SHANK2: variants seen among roughly 807,000 people sequenced by gnomAD.
SHANK2 encodes the protein SH3 and multiple ankyrin repeat domains 2.
SHANK2 carries 43 observed loss-of-function variants against 133.7 expected under a neutral mutation model. That is an observed-to-expected ratio of 0.32 (90% CI 0.25 to 0.41). The LOEUF is 0.41. SHANK2 is among the 10% of genes least tolerant of loss of function. The probability of loss-of-function intolerance (pLI) is 1.00; values close to 1 mark genes in which losing one functional copy is unlikely to be tolerated. For synonymous variants in SHANK2, 1,017 were observed against 952.8 expected, an observed-to-expected ratio of 1.07 and a Z score of -1.24; for missense variants, 1,994 against 2,235.8, an observed-to-expected ratio of 0.89 and a Z score of 2.18.
chr11:70,473,416 A>C lies in SHANK2; in HGVS notation c.5003T>G (p.Ile1668Ser). The part of the protein sequence containing the change: ...APRSPEIMST[I>S]SGTRSTTVTF... ...GACCGTCGTGCTCCGTGTACCTGAG[A>C]TGGTGCTCATGATCTCCGGGCTTCT... The change falls in exon 26 of 26, where the codon ATC becomes AGC. Residue 1668 changes from isoleucine (I) to serine (S), a missense_variant. By Grantham distance (142) the Ile-to-Ser change is moderately radical (BLOSUM62 -2). Coordinates refer to ENST00000601538, the MANE Select transcript of SHANK2 (RefSeq NM_012309.5). This position sits in a 1 kb window ranked among gnomAD's most constrained non-coding sequence, Gnocchi z 5.9. 6.2e-7 allele frequency: 1 copy of C among 1,605,644 alleles called. No individual in the cohort carries two copies. The highest frequency in any genetic ancestry group is 8.5e-7 in the Non-Finnish European group (1 of 1,179,952).
intron 2 of SHANK2, among the ~76,000 whole-genome samples, chr11:71,150,498 T>G (rs1350144181): frequency 1.8e-4 from 27 of 151,942 alleles, no homozygotes; most frequent in Non-Finnish European, 3.7e-4. Context: ...CTGCCAATTA[T>G]TCACATTAGT....
rs534193207 is a variant in SHANK2 at position 70,849,807 on chromosome 11, T to C, written c.1175-29125A>G. ...TGGGGTCCATGATCTCCCTACGTTA[T>C]CTCTTTTTTTAAAAAAAATGTTTTT... On this transcript the variant is annotated intron_variant, in intron 11 of 25. Transcript: ENST00000601538. 9.2e-5 allele frequency among the ~76,000 whole-genome samples: 14 copies of C among 152,246 alleles called. No homozygotes were observed. The East Asian group carries it at 2.7e-3, about 29-fold the overall frequency.
chr11:70,850,647 C>T (rs1461995052), intron 11 of SHANK2, among the ~76,000 whole-genome samples: 3 of 152,340 alleles, frequency 2.0e-5, no homozygotes, highest in African/African-American at 2.4e-5. Flanking sequence ...GCTTGGGCCT[C>T]GAGTCACTGT....
At chr11:70,858,705 C>A (rs934863476) in intron 11 of SHANK2, among the ~76,000 whole-genome samples, 2 of 152,224 alleles carry the variant, frequency 1.3e-5, no homozygotes, top group Non-Finnish European at 2.9e-5. Context: ...GAACCCAGAC[C>A]CCTGATTTAG....
chr11:70,617,195 TGTGTGA>T (rs1342122043), intron 17 of SHANK2, among the ~76,000 whole-genome samples: 3 of 151,686 alleles, frequency 2.0e-5, no homozygotes, highest in Non-Finnish European at 2.9e-5. Flanking sequence ...TGTCTATGAA[TGTGTGA>T]GTGTGAGTGT....
chr11:70,821,398 G>C (rs1948518667), intron 11 of SHANK2, among the ~76,000 whole-genome samples: 1 of 152,120 alleles, frequency 6.6e-6, no homozygotes, highest in Admixed American at 6.5e-5. Context: ...CCCAGGACTG[G>C]GAGGTGTAAA....
At chr11:70,826,592 T>G in intron 11 of SHANK2, 1 of 467,126 alleles carries the variant, frequency 2.1e-6, no homozygotes, top group Non-Finnish European at 4.5e-6. Flanking sequence ...CCCTCGGTGC[T>G]AGAGCAGCTG....
chr11:70,877,101 T>C (rs1949579230), intron 11 of SHANK2, among the ~76,000 whole-genome samples: 1 of 152,256 alleles, frequency 6.6e-6, no homozygotes. Flanking sequence ...TTTTTATTTC[T>C]CTTCAGGACA....
intron 15 of SHANK2, among the ~76,000 whole-genome samples, chr11:70,692,376 C>G (rs782396462): frequency 1.3e-5 from 2 of 152,182 alleles, no homozygotes; most frequent in African/African-American, 2.4e-5. Context: ...ATCCTTAACA[C>G]GAACACAACT....
At chr11:70,794,330 G>GGC (rs1555048677) in intron 14 of SHANK2, among the ~76,000 whole-genome samples, 15 of 151,564 alleles carry the variant, frequency 9.9e-5, no homozygotes, top group Non-Finnish European at 2.2e-4. Flanking sequence ...ATACATAGCT[G>GGC]ATATCACAGG....
intron 10 of SHANK2, among the ~76,000 whole-genome samples, chr11:70,939,584 C>T (rs1483117210): frequency 1.6e-4 from 25 of 152,332 alleles, no homozygotes; most frequent in Admixed American, 1.2e-3. Context: ...AAGGCCTCTC[C>T]TGAGCTTCGT....
intron 17 of SHANK2, among the ~76,000 whole-genome samples, chr11:70,559,172 C>T (rs1554980304): frequency 6.6e-6 from 1 of 152,072 alleles, no homozygotes; most frequent in African/African-American, 2.4e-5. Flanking sequence ...GCACCTGCCA[C>T]CACACCCGGC....
chr11:70,472,738 T>C lies in SHANK2; in HGVS notation c.*131A>G. 1 of 916,066 alleles carries C rather than the reference T, an allele frequency of 1.1e-6. No individual in the cohort carries two copies. The highest frequency in any genetic ancestry group is 1.8e-6 in the Non-Finnish European group (1 of 557,906). 56.7% of individuals were successfully genotyped at this position (916,066 alleles called of 1,614,324 possible). On this transcript the variant is annotated 3_prime_UTR_variant, in exon 26 of 26. Transcript: ENST00000601538. The surrounding 1 kb of genome is among the most constrained non-coding windows in gnomAD (Gnocchi z 4.4). ...TGTTGTGGACACAACTCAGTATTTC[T>C]TTGGGTACCAGGAGACAAACCCATG...
At chr11:70,610,080 G>A (rs1591645759) in intron 17 of SHANK2, among the ~76,000 whole-genome samples, 1 of 151,510 alleles carries the variant, frequency 6.6e-6, no homozygotes, top group Admixed American at 6.6e-5. Flanking sequence ...CAGGAGGTTC[G>A]GGGTTCCTTT....
intron 17 of SHANK2, among the ~76,000 whole-genome samples, chr11:70,658,208 A>AACACACACAC (rs782131753): frequency 2.3e-4 from 22 of 97,562 alleles, no homozygotes; most frequent in East Asian, 6.0e-4. Flanking sequence ...ACGCCCCCCC[A>AACACACACAC]ACACACACAC....
intron 14 of SHANK2, among the ~76,000 whole-genome samples, chr11:70,765,841 C>A (rs782151462): frequency 3.3e-5 from 5 of 151,678 alleles, no homozygotes; most frequent in Non-Finnish European, 7.4e-5. Flanking sequence ...CAACACTTTT[C>A]TTGAATGACA....
intron 2 of SHANK2, among the ~76,000 whole-genome samples, chr11:71,174,326 G>T (rs10897725): frequency 0.7 from 106,574 of 151,982 alleles, 38,552 homozygotes; most frequent in East Asian, 0.95. Context: ...GATCATTTGA[G>T]TCCAAGAGTT....
At chr11:71,209,357 C>T (rs1025712541) in intron 2 of SHANK2, among the ~76,000 whole-genome samples, 3 of 152,210 alleles carry the variant, frequency 2.0e-5, no homozygotes, top group Non-Finnish European at 2.9e-5. Flanking sequence ...CACCCTCCCA[C>T]GCCCTGCCTC....
intron 15 of SHANK2, among the ~76,000 whole-genome samples, chr11:70,681,324 G>C (rs181204462): frequency 2.9e-4 from 44 of 152,318 alleles, no homozygotes; most frequent in African/African-American, 1.0e-3. Context: ...CACTGGAGGA[G>C]AATTCAGAAG....
Sources: allele counts gnomAD v4.1 joint callset (sites outside exome capture counted in the v4.1 genomes callset), GRCh38; gene constraint gnomAD v4.1.1; non-coding constraint Gnocchi (gnomAD v3.1); transcripts MANE v1.5; gene names NCBI Gene and HGNC (gene_info 2026-07-23, HGNC 2026-07-21).